Variants in PALS2 observed in about 807,000 individuals in gnomAD.
PALS2 encodes protein associated with LIN7 2, MAGUK p55 family member.
In PALS2, 27 loss-of-function variants were observed where a neutral mutation model predicts 61.6. The observed-to-expected ratio is 0.44, with a 90% confidence interval of 0.32 to 0.60. The LOEUF is 0.60. Among genes scored for constraint, PALS2 ranks in the 20% least tolerant of loss-of-function variants. The pLI is 0.05. For synonymous variants in PALS2, 236 were observed against 218.6 expected, an observed-to-expected ratio of 1.08 and a Z score of -0.70; for missense variants, 554 against 639.4, an observed-to-expected ratio of 0.87 and a Z score of 1.44.
At chr7:24,584,011 A>G (rs1190261640) in intron 1 of PALS2, among the ~76,000 whole-genome samples, 7 of 149,924 alleles carry the variant, frequency 4.7e-5, no homozygotes, top group African/African-American at 1.7e-4. Flanking sequence ...TTATGGCTGC[A>G]TAGTATTCCA....
chr7:24,616,134 G>A (rs1252762956), intron 1 of PALS2, among the ~76,000 whole-genome samples: 3 of 152,064 alleles, frequency 2.0e-5, no homozygotes, highest in East Asian at 3.8e-4. Flanking sequence ...GTAAGGACTG[G>A]AACAAGACAA....
intron 1 of PALS2, among the ~76,000 whole-genome samples, chr7:24,617,416 G>A (rs962252300): frequency 1.6e-4 from 25 of 152,122 alleles, no homozygotes; most frequent in African/African-American, 5.8e-4. Context: ...GAGAATTACT[G>A]TATTCCTTTG....
At chr7:24,619,751 C>A (rs1784425958) in intron 1 of PALS2, among the ~76,000 whole-genome samples, 1 of 151,198 alleles carries the variant, frequency 6.6e-6, no homozygotes, top group Admixed American at 6.6e-5. Flanking sequence ...AAAAAAGAAT[C>A]CCATTTATGT....
intron 9 of PALS2, among the ~76,000 whole-genome samples, chr7:24,675,303 A>C (rs959842529): frequency 6.6e-6 from 1 of 152,124 alleles, no homozygotes; most frequent in African/African-American, 2.4e-5. Flanking sequence ...CACAATGTTG[A>C]ACCAAGTCCT....
At chr7:24,600,674 A>G (rs1783688220) in intron 1 of PALS2, among the ~76,000 whole-genome samples, 1 of 152,106 alleles carries the variant, frequency 6.6e-6, no homozygotes, top group African/African-American at 2.4e-5. Flanking sequence ...CCATTTAACT[A>G]TTTTTTATAG....
In PALS2 at chr7:24,618,522, T is replaced by G. The variant is rs1784374709; in HGVS notation, c.-2-5144T>G. On this transcript the variant is annotated intron_variant, in intron 1 of 11. Transcript: ENST00000222644. The surrounding 1 kb of genome is among the most constrained non-coding windows in gnomAD (Gnocchi z 5.1). ...CACAAGGGAGTAAGTGCAGATCTTG[T>G]GCTCCCAGTCTGGGGGAATACAGCT... is the stretch of plus-strand genomic sequence containing the variant. Among the ~76,000 whole-genome samples the G allele has an allele frequency of 6.6e-6, 1 of 152,214 alleles. No homozygotes were observed. The highest frequency in any genetic ancestry group is 2.4e-5 in the African/African-American group (1 of 41,464).
chr7:24,668,388 C>A, intron 8 of PALS2, 111 bp from the exon 9 acceptor site: 2 of 974,516 alleles, frequency 2.1e-6, no homozygotes, highest in South Asian at 1.8e-5. Flanking sequence ...GGGTACAAGT[C>A]AAGTGATATT....
chr7:24,583,197 C>T (rs1334540135), intron 1 of PALS2, among the ~76,000 whole-genome samples: 1 of 151,936 alleles, frequency 6.6e-6, no homozygotes, highest in Non-Finnish European at 1.5e-5. Context: ...GGAAATCATT[C>T]ATATTTTTAT....
Position 24,688,179 on chromosome 7 carries a change from T to C in PALS2, c.*565T>C, listed in dbSNP as rs1404104807. 6.6e-6 allele frequency: 1 copy of C among 152,252 alleles called. No individual in the cohort carries two copies. Among genetic ancestry groups the C allele is most frequent in the East Asian group, 1.9e-4 (1 of 5,204 alleles). The allele number at this position is 152,252 out of a possible 1,614,324, so 9.4% of individuals were successfully genotyped here. ...AAAAGTCTGATCAGTTTACGTATTT[T>C]CATTATTTCGGAGATGTATGGCTAT... On this transcript the variant is annotated 3_prime_UTR_variant, in exon 12 of 12. Transcript: ENST00000222644.
chr7:24,641,655 C>T (rs1184845842), intron 2 of PALS2, 61 bp from the exon 3 acceptor site: 8 of 1,383,446 alleles, frequency 5.8e-6, no homozygotes, highest in Non-Finnish European at 7.9e-6. Flanking sequence ...AAGAAATAAA[C>T]CATGGTCTGG....
intron 7 of PALS2, 110 bp downstream of exon 7, chr7:24,665,797 C>G (rs774352206): frequency 1.3e-5 from 14 of 1,042,954 alleles, no homozygotes; most frequent in African/African-American, 4.8e-5. Context: ...TAGAATGAAT[C>G]CCTCCCTCTG....
At position 24,668,654 on chromosome 7, in the gene PALS2, G is replaced by A. The variant is rs773456482; in HGVS notation, c.1108G>A (p.Val370Met). The change falls in exon 9 of 12, where the codon GTG becomes ATG. Residue 370 changes from valine (V) to methionine (M), a missense_variant. Val to Met is a conservative substitution (Grantham distance 21). Transcript: ENST00000222644. ...GAATCCCACTAGATTTGGAACTACG[G>A]TGCCATGTAAGTTTTCTGTGTTTTC... is the stretch of plus-strand genomic sequence containing the variant. ...VLNPTRFGTT[V>M]PFTSRKPRED... The A allele has an allele frequency of 6.2e-7, 1 of 1,613,772 alleles. No homozygotes were observed. Among genetic ancestry groups the A allele is most frequent in the East Asian group, 2.2e-5 (1 of 44,852 alleles).
At position 24,573,623 on chromosome 7, in the gene PALS2, G is replaced by A. The variant is rs1782533526; in HGVS notation, c.-3+30G>A. 3.0e-6 allele frequency: 1 copy of A among 331,296 alleles called. No homozygotes were observed. Among genetic ancestry groups the A allele is most frequent in the Non-Finnish European group, 5.5e-6 (1 of 182,936 alleles). The allele number at this position is 331,296 out of a possible 1,614,324, so 20.5% of individuals were successfully genotyped here. On this transcript the variant is annotated intron_variant, in intron 1 of 11. Coordinates refer to ENST00000222644, the MANE Select transcript of PALS2 (RefSeq NM_001303037.2). This position sits in a 1 kb window ranked among gnomAD's most constrained non-coding sequence, Gnocchi z 5.3. ...GTTAACTGGACCCCCACGCCGCTCG[G>A]GTAACGGTCGCGCCGCGCGCCGGGC...
At position 24,692,336 on chromosome 7, in the gene PALS2, G is replaced by A. The variant is rs957863931; in HGVS notation, c.*4722G>A. The A allele has an allele frequency of 1.3e-5, 2 of 152,146 alleles. No individual in the cohort carries two copies. The highest frequency in any genetic ancestry group is 1.3e-4 in the Admixed American group (2 of 15,270). The allele number at this position is 152,146 out of a possible 1,614,324, so 9.4% of individuals were successfully genotyped here. ...TCTGACTTCTGACTGTGTGATCTTC[G>A]ATGAAATTTATATTTCCCTTTATCA... On this transcript the variant is annotated 3_prime_UTR_variant, in exon 12 of 12. Coordinates refer to ENST00000222644, the MANE Select transcript of PALS2 (RefSeq NM_001303037.2).
intron 1 of PALS2, among the ~76,000 whole-genome samples, chr7:24,581,302 G>T: frequency 6.7e-6 from 1 of 148,864 alleles, no homozygotes; most frequent in East Asian, 2.0e-4. Flanking sequence ...AGAGAGAAAG[G>T]GAAATCTCCC....
chr7:24,576,429 G>C (rs976435822), intron 1 of PALS2, among the ~76,000 whole-genome samples: 3 of 152,134 alleles, frequency 2.0e-5, no homozygotes, highest in Admixed American at 1.3e-4. Flanking sequence ...TTGTCAAACT[G>C]CTGGGTAGTG....
At chr7:24,675,380 G>GT (rs75544975) in intron 9 of PALS2, among the ~76,000 whole-genome samples, 9,096 of 145,370 alleles carry the variant, frequency 0.063, 305 homozygotes, top group African/African-American at 0.071. Flanking sequence ...TTTTTTTAAG[G>GT]TTTTTTTTTT....
At chr7:24,667,777 G>C (rs1231007258) in intron 8 of PALS2, among the ~76,000 whole-genome samples, 1 of 146,948 alleles carries the variant, frequency 6.8e-6, no homozygotes, top group Non-Finnish European at 1.5e-5. Context: ...TGATTCCCCT[G>C]CCTCAGCCCC....
chr7:24,634,120 T>C (rs972376694), intron 2 of PALS2, among the ~76,000 whole-genome samples: 1 of 151,730 alleles, frequency 6.6e-6, no homozygotes. Context: ...GTATTCTGGG[T>C]ACAAGTCTTT....
Sources: gnomAD v4.1 joint callset for allele counts (sites outside exome capture counted in the v4.1 genomes callset) on GRCh38, gnomAD v4.1.1 for gene constraint, Gnocchi (gnomAD v3.1) non-coding constraint, MANE v1.5 for transcripts, NCBI Gene and HGNC (gene_info 2026-07-23, HGNC 2026-07-21) for gene names.